DCLK1: variants seen among roughly 807,000 people sequenced by gnomAD.
DCLK1 encodes serine/threonine-protein kinase DCLK1.
DCLK1 carries 16 observed loss-of-function variants against 86.2 expected under a neutral mutation model. The ratio of observed to expected loss-of-function variants is 0.19; its 90% CI spans 0.13 to 0.28. DCLK1 has a LOEUF of 0.28. DCLK1 is among the 10% of genes least tolerant of loss of function. The pLI is 1.00. For synonymous variants in DCLK1, 369 were observed against 370.5 expected, an observed-to-expected ratio of 1.00 and a Z score of 0.05; for missense variants, 590 against 940.2, an observed-to-expected ratio of 0.63 and a Z score of 4.87.
At chr13:35,848,076 GC>G (rs533415051) in intron 6 of DCLK1, 11 of 985,148 alleles carry the variant, frequency 1.1e-5, no homozygotes, top group Admixed American at 6.2e-5. Flanking sequence ...AAAAGTGAGT[GC>G]AAGTGAAAAA....
intron 2 of DCLK1, among the ~76,000 whole-genome samples, chr13:36,122,507 A>G (rs1886027269): frequency 6.6e-6 from 1 of 152,218 alleles, no homozygotes; most frequent in South Asian, 2.1e-4. Context: ...TCAATCCATC[A>G]ATGCTCCAGG....
At chr13:35,869,565 A>T (rs1872120728) in intron 5 of DCLK1, among the ~76,000 whole-genome samples, 1 of 152,202 alleles carries the variant, frequency 6.6e-6, no homozygotes, top group Admixed American at 6.5e-5. Flanking sequence ...GTAAATGAAG[A>T]TGAACAAGTC....
At chr13:36,022,772 C>T (rs1881840131) in intron 3 of DCLK1, among the ~76,000 whole-genome samples, 1 of 152,004 alleles carries the variant, frequency 6.6e-6, no homozygotes. Context: ...AAAAAACATT[C>T]CACAAGGAAA....
At chr13:35,775,656 T>A (rs990524160) in intron 16 of DCLK1, among the ~76,000 whole-genome samples, 17 of 152,208 alleles carry the variant, frequency 1.1e-4, no homozygotes, top group African/African-American at 3.6e-4. Flanking sequence ...TTGAAGGCGT[T>A]CTTATTTGAA....
intron 7 of DCLK1, among the ~76,000 whole-genome samples, chr13:35,837,643 A>G (rs1869481465): frequency 6.6e-6 from 1 of 152,174 alleles, no homozygotes; most frequent in Admixed American, 6.5e-5. Context: ...CAGGTGGGAA[A>G]TGGAAGAAGG....
intron 3 of DCLK1, among the ~76,000 whole-genome samples, chr13:36,039,133 A>T (rs1039708815): frequency 5.9e-5 from 9 of 152,234 alleles, no homozygotes; most frequent in African/African-American, 2.2e-4. Flanking sequence ...GCAACTTAGA[A>T]AAGATATAAA....
intron 14 of DCLK1, 69 bp from the exon 15 acceptor site, chr13:35,805,848 A>G (rs949572006): frequency 7.1e-7 from 1 of 1,411,290 alleles, no homozygotes. Context: ...TGCAAATGCA[A>G]GAGTTCTCTT....
chr13:35,878,889 G>T (rs1232443312), intron 4 of DCLK1, among the ~76,000 whole-genome samples: 3 of 151,944 alleles, frequency 2.0e-5, no homozygotes, highest in African/African-American at 7.3e-5. Flanking sequence ...AGGTTCAGGT[G>T]ATTCTCCTGC....
chr13:35,918,509 C>T (rs1046250632), intron 4 of DCLK1, among the ~76,000 whole-genome samples: 3 of 152,188 alleles, frequency 2.0e-5, no homozygotes, highest in African/African-American at 7.2e-5. Context: ...GGACTGGACT[C>T]TCTCACCACA....
rs562305405 is a variant in DCLK1 at position 35,817,390 on chromosome 13, C to T, written c.1554+5339G>A. Among the ~76,000 whole-genome samples, 23 of 151,910 alleles carry T rather than the reference C, an allele frequency of 1.5e-4. No individual in the cohort carries two copies. In the South Asian group the frequency reaches 4.2e-3, roughly 27 times the overall value. ...GAGAGTAGAATTTTTTTTCTAAACA[C>T]CCCCAAAAAAAGGATCGTTCAGTTT... On this transcript the variant is annotated intron_variant, in intron 11 of 16. Transcript: ENST00000360631.
chr13:36,110,401 G>A (rs1360521330), intron 3 of DCLK1, among the ~76,000 whole-genome samples: 1 of 152,112 alleles, frequency 6.6e-6, no homozygotes, highest in Non-Finnish European at 1.5e-5. Flanking sequence ...ATTACTTAGG[G>A]CAAGGGTTAT....
chr13:35,813,606 T>C (rs1349169453), intron 11 of DCLK1, among the ~76,000 whole-genome samples: 3 of 152,112 alleles, frequency 2.0e-5, no homozygotes, highest in Non-Finnish European at 4.4e-5. Flanking sequence ...TACAAAATGA[T>C]TATTAAAAGT....
intron 4 of DCLK1, among the ~76,000 whole-genome samples, chr13:35,916,643 T>C (rs1875430418): frequency 6.6e-6 from 1 of 152,172 alleles, no homozygotes; most frequent in African/African-American, 2.4e-5. Flanking sequence ...CCTCTATGTC[T>C]CTGTAGATAC....
chr13:36,003,365 G>A (rs1190808173), intron 3 of DCLK1, among the ~76,000 whole-genome samples: 1 of 152,106 alleles, frequency 6.6e-6, no homozygotes, highest in Non-Finnish European at 1.5e-5. Flanking sequence ...ATTATTACTG[G>A]TTTGGAGAAA....
chr13:35,936,962 C>CTGTTTTTTTTTTTTTTTTTTT (rs1876786465), intron 4 of DCLK1, among the ~76,000 whole-genome samples: 1 of 65,712 alleles, frequency 1.5e-5, no homozygotes, highest in Non-Finnish European at 3.0e-5. Flanking sequence ...GAAAAGTTAG[C>CTGTTTTTTTTTTTTTTTTTTT]TTTTTTTTTT....
Position 35,836,077 on chromosome 13 carries a change from T to C in DCLK1, c.1185A>G (p.Thr395=), listed in dbSNP as rs1338592616. The part of the protein sequence containing the change: ...TITERYKVGR[T]IGDGNFAVVK... ...CAACAGCAAAATTTCCATCTCCTAT[T>C]GTTCTTCCGACTTTATATCGTTCTG... is the stretch of plus-strand genomic sequence containing the variant. Residue 395 remains threonine (T), a synonymous_variant, in exon 8 of 17, where the codon ACA becomes ACG. Coordinates refer to ENST00000360631, the MANE Select transcript of DCLK1 (RefSeq NM_001330071.2). 6.2e-7 allele frequency: 1 copy of C among 1,613,758 alleles called. No homozygotes were observed. The highest frequency in any genetic ancestry group is 1.1e-5 in the South Asian group (1 of 90,940).
chr13:36,115,713 T>TAG (rs1317094354), intron 2 of DCLK1, among the ~76,000 whole-genome samples: 8 of 151,492 alleles, frequency 5.3e-5, no homozygotes, highest in Non-Finnish European at 7.4e-5. Context: ...TGTTTTTAAG[T>TAG]AGAGAGAGAG....
chr13:35,854,179 C>T (rs571389967), intron 6 of DCLK1, among the ~76,000 whole-genome samples: 1 of 152,184 alleles, frequency 6.6e-6, no homozygotes, highest in Admixed American at 6.5e-5. Context: ...ATGGTGATAT[C>T]TAATCAAACT....
intron 4 of DCLK1, among the ~76,000 whole-genome samples, chr13:35,932,202 T>C (rs1238462593): frequency 6.6e-6 from 1 of 152,128 alleles, no homozygotes; most frequent in African/African-American, 2.4e-5. Flanking sequence ...TTTCCTTCTG[T>C]CTCACTGCTT....
Sources: allele counts gnomAD v4.1 joint callset (sites outside exome capture counted in the v4.1 genomes callset), GRCh38; gene constraint gnomAD v4.1.1; transcripts MANE v1.5; gene names NCBI Gene and HGNC (gene_info 2026-07-23, HGNC 2026-07-21).